Variants in KLHL29 observed in about 807,000 individuals in gnomAD.
The protein encoded by KLHL29 is kelch-like protein 29.
In KLHL29, 21 loss-of-function variants were observed where a neutral mutation model predicts 80.4. The ratio of observed to expected loss-of-function variants is 0.26; its 90% CI spans 0.19 to 0.38. The LOEUF is 0.38. KLHL29 is among the 10% of genes least tolerant of loss of function. KLHL29 has a pLI of 1.00. For missense variants in KLHL29, 867 were observed against 1,223.9 expected (o/e 0.71, Z 4.35); for synonymous variants, 511 against 526.8 (o/e 0.97, Z 0.41).
intron 5 of KLHL29, among the ~76,000 whole-genome samples, chr2:23,665,357 A>G (rs1006892407): frequency 6.6e-6 from 1 of 152,204 alleles, no homozygotes; most frequent in Non-Finnish European, 1.5e-5. Flanking sequence ...TTGGTGAGAC[A>G]GAATCATACC....
intron 1 of KLHL29, among the ~76,000 whole-genome samples, chr2:23,451,984 G>C (rs1663892537): frequency 1.3e-5 from 2 of 151,904 alleles, no homozygotes; most frequent in Admixed American, 1.3e-4. Flanking sequence ...TGACGAGAGG[G>C]GGAGCAAGAG....
intron 1 of KLHL29, among the ~76,000 whole-genome samples, chr2:23,409,877 G>A (rs1241537528): frequency 1.3e-5 from 2 of 152,220 alleles, no homozygotes; most frequent in African/African-American, 4.8e-5. Context: ...GGAGTAGGGG[G>A]AACTGATCTG....
chr2:23,587,075 A>C (rs1003346098), intron 3 of KLHL29, among the ~76,000 whole-genome samples: 15 of 152,200 alleles, frequency 9.9e-5, no homozygotes, highest in Non-Finnish European at 2.9e-5. Context: ...GAGTAGGAAG[A>C]ACAGGCCTTT....
intron 5 of KLHL29, among the ~76,000 whole-genome samples, chr2:23,660,229 C>T (rs1290912403): frequency 6.6e-6 from 1 of 152,222 alleles, no homozygotes; most frequent in Non-Finnish European, 1.5e-5. Context: ...CCACCCCCTG[C>T]CTCACCAACT....
chr2:23,562,017 G>A lies in KLHL29; in HGVS notation c.-45-135G>A, dbSNP rs1667458475. On this transcript the variant is annotated intron_variant, in intron 2 of 13. Coordinates refer to ENST00000486442, the MANE Select transcript of KLHL29 (RefSeq NM_052920.2). The surrounding 1 kb of genome is among the most constrained non-coding windows in gnomAD (Gnocchi z 4.5). Reference sequence around the variant, plus strand: ...GCTAATTAATGATCCATGCTTTGTGGGCTAGCGTGACTCTGAAATGAGCTA... The same window carrying A: ...GCTAATTAATGATCCATGCTTTGTGAGCTAGCGTGACTCTGAAATGAGCTA... 1 of 656,266 alleles carries A rather than the reference G, an allele frequency of 1.5e-6. No homozygotes were observed. The highest frequency in any genetic ancestry group is 2.6e-6 in the Non-Finnish European group (1 of 385,732). 40.7% of individuals were successfully genotyped at this position (656,266 alleles called of 1,614,324 possible).
Position 23,693,532 on chromosome 2 carries a change from G to A in KLHL29, c.1542+4G>A, listed in dbSNP as rs764761440. ...GGACCCCGCGACACGCACACAGGTG[G>A]GGCCTGCCCTGTCCCCCGCCCCTTC... On this transcript the variant is annotated splice_donor_region_variant and intron_variant, in intron 8 of 13. Coordinates refer to ENST00000486442, the MANE Select transcript of KLHL29 (RefSeq NM_052920.2). 4.0e-5 allele frequency: 62 copies of A among 1,544,716 alleles called. No individual in the cohort carries two copies. Among genetic ancestry groups the A allele is most frequent in the Non-Finnish European group, 5.2e-5 (59 of 1,141,270 alleles).
chr2:23,575,913 G>A (rs1483055216), intron 3 of KLHL29, among the ~76,000 whole-genome samples: 1 of 152,224 alleles, frequency 6.6e-6, no homozygotes, highest in East Asian at 1.9e-4. Context: ...AGAGCAATGG[G>A]GAGCACGTTT....
intron 1 of KLHL29, among the ~76,000 whole-genome samples, chr2:23,435,060 G>A (rs867901217): frequency 2.0e-5 from 3 of 152,214 alleles, no homozygotes; most frequent in Non-Finnish European, 2.9e-5. Context: ...TGTCCTCAGG[G>A]CTGGTGTGAG....
chr2:23,398,030 G>A (rs1004056535), intron 1 of KLHL29, among the ~76,000 whole-genome samples: 15 of 152,188 alleles, frequency 9.9e-5, no homozygotes, highest in African/African-American at 3.6e-4. Flanking sequence ...TTGTGCAACC[G>A]CTATGGAAAA....
In KLHL29 at chr2:23,642,588, G is replaced by T; in HGVS notation, c.678G>T (p.Leu226=). ...TGGTCAACATGCCTGCCCAGGCCCT[G>T]TATGCCAGCCCTCAGCCCCTGGCCG... ...SVVVNMPAQA[L]YASPQPLAVS... The change falls in exon 5 of 14, where the codon CTG becomes CTT. Residue 226 remains leucine (L), a synonymous_variant. Coordinates refer to ENST00000486442, the MANE Select transcript of KLHL29 (RefSeq NM_052920.2). 1 of 1,550,066 alleles carries T rather than the reference G, an allele frequency of 6.5e-7. No individual in the cohort carries two copies. Among genetic ancestry groups the T allele is most frequent in the South Asian group, 1.2e-5 (1 of 83,990 alleles).
intron 1 of KLHL29, among the ~76,000 whole-genome samples, chr2:23,388,517 A>G (rs1394981666): frequency 6.6e-6 from 1 of 152,226 alleles, no homozygotes; most frequent in African/African-American, 2.4e-5. Flanking sequence ...TAAGTGAGGC[A>G]CATCATTAGT....
chr2:23,532,809 G>A (rs1003525048), intron 2 of KLHL29, among the ~76,000 whole-genome samples: 4 of 152,162 alleles, frequency 2.6e-5, no homozygotes, highest in African/African-American at 4.8e-5. Flanking sequence ...TCTGCAAATC[G>A]AGGCGCGTTC....
At chr2:23,432,861 T>C (rs966098928) in intron 1 of KLHL29, among the ~76,000 whole-genome samples, 6 of 152,214 alleles carry the variant, frequency 3.9e-5, no homozygotes, top group Non-Finnish European at 7.3e-5. Context: ...TTCCATTGGC[T>C]GCAGCCAGTA....
chr2:23,387,728 G>A (rs891410241), intron 1 of KLHL29, among the ~76,000 whole-genome samples: 2 of 152,146 alleles, frequency 1.3e-5, no homozygotes, highest in African/African-American at 2.4e-5. Flanking sequence ...CAGGTATGGA[G>A]CTGTGTGCTA....
At chr2:23,698,754 G>C (rs370549914) in intron 11 of KLHL29, among the ~76,000 whole-genome samples, 5 of 152,166 alleles carry the variant, frequency 3.3e-5, no homozygotes, top group Admixed American at 6.5e-5. Flanking sequence ...ACTCGGCAGG[G>C]TCATTTGCAT....
chr2:23,533,750 G>C (rs535779935), intron 2 of KLHL29, among the ~76,000 whole-genome samples: 1 of 152,204 alleles, frequency 6.6e-6, no homozygotes, highest in Admixed American at 6.5e-5. Flanking sequence ...GAATTTCCTT[G>C]TGCTGACAAT....
rs919810220 is a variant in KLHL29 at position 23,647,187 on chromosome 2, C to A, written c.940+4337C>A. Among the ~76,000 whole-genome samples, 13 of 152,194 alleles carry A rather than the reference C, an allele frequency of 8.5e-5. No homozygotes were observed. The highest frequency in any genetic ancestry group is 3.1e-4 in the African/African-American group (13 of 41,440). On this transcript the variant is annotated intron_variant, in intron 5 of 13. Transcript: ENST00000486442. The surrounding 1 kb of genome is among the most constrained non-coding windows in gnomAD (Gnocchi z 4.9). Reference sequence around the variant, plus strand: ...TTTCTGTCAGGAGGACTCAGGATGGCTCTCCCCAGGTGTGAGGCCTGGCAC... The same window carrying A: ...TTTCTGTCAGGAGGACTCAGGATGGATCTCCCCAGGTGTGAGGCCTGGCAC...
At chr2:23,532,026 C>T (rs1666505318) in intron 2 of KLHL29, among the ~76,000 whole-genome samples, 1 of 152,214 alleles carries the variant, frequency 6.6e-6, no homozygotes. Flanking sequence ...CTCGACGGCC[C>T]TTGACCATGG....
At chr2:23,704,298 C>CA in intron 13 of KLHL29, among the ~76,000 whole-genome samples, 1 of 152,306 alleles carries the variant, frequency 6.6e-6, no homozygotes, top group East Asian at 1.9e-4. Flanking sequence ...GAGCTGTGCT[C>CA]AGAGTCCCAA....
Sources: gnomAD v4.1 joint callset for allele counts (sites outside exome capture counted in the v4.1 genomes callset) on GRCh38, gnomAD v4.1.1 for gene constraint, Gnocchi (gnomAD v3.1) non-coding constraint, MANE v1.5 for transcripts, NCBI Gene and HGNC (gene_info 2026-07-23, HGNC 2026-07-21) for gene names.